The following NELL1 variants were observed in gnomAD, a reference collection of about 807,000 sequenced individuals.
NELL1 encodes the protein protein kinase C-binding protein NELL1.
NELL1 carries 76 observed loss-of-function variants against 107.4 expected under a neutral mutation model. The observed-to-expected ratio is 0.71, with a 90% confidence interval of 0.59 to 0.86. The LOEUF is 0.86. NELL1 is among the 40% of genes least tolerant of loss of function. NELL1 has a pLI of 0.00. For synonymous variants in NELL1, 353 were observed against 341.2 expected (o/e 1.03, Z -0.38); for missense variants, 1,024 against 1,005.5 (o/e 1.02, Z -0.25).
At chr11:20,766,537 A>G (rs771984057) in intron 2 of NELL1, among the ~76,000 whole-genome samples, 2 of 152,178 alleles carry the variant, frequency 1.3e-5, no homozygotes, top group African/African-American at 2.4e-5. Flanking sequence ...TGATTAAAGA[A>G]CTATCTAAAC....
intron 16 of NELL1, among the ~76,000 whole-genome samples, chr11:21,540,665 G>A (rs923045995): frequency 6.6e-5 from 10 of 152,066 alleles, no homozygotes; most frequent in South Asian, 2.1e-4. Context: ...AGTGAAGGGG[G>A]GAGGTACTAT....
chr11:20,720,563 T>C (rs142053988), intron 2 of NELL1, among the ~76,000 whole-genome samples: 70 of 152,230 alleles, frequency 4.6e-4, no homozygotes, highest in Non-Finnish European at 2.1e-4. Flanking sequence ...AAAGTACTGT[T>C]GACTAGGTGG....
intron 15 of NELL1, among the ~76,000 whole-genome samples, chr11:21,426,712 G>A (rs1590924367): frequency 6.6e-6 from 1 of 152,262 alleles, no homozygotes; most frequent in South Asian, 2.1e-4. Context: ...TCAATAGGGT[G>A]TGTATCAGGC....
intron 5 of NELL1, among the ~76,000 whole-genome samples, chr11:20,908,858 CAA>C (rs1215460162): frequency 6.6e-6 from 1 of 152,144 alleles, no homozygotes; most frequent in East Asian, 1.9e-4. Context: ...AACAGGGACT[CAA>C]ACAGACACTT....
At chr11:20,716,255 C>T (rs1208006384) in intron 2 of NELL1, among the ~76,000 whole-genome samples, 2 of 152,216 alleles carry the variant, frequency 1.3e-5, no homozygotes, top group Non-Finnish European at 2.9e-5. Context: ...ACTATTGACC[C>T]CTGGGTATAT....
chr11:21,424,846 T>A (rs1243325076), intron 15 of NELL1, among the ~76,000 whole-genome samples: 1 of 152,114 alleles, frequency 6.6e-6, no homozygotes, highest in African/African-American at 2.4e-5. Flanking sequence ...GCTTCTCTGA[T>A]GAATTCTACC....
At chr11:21,309,926 GAC>G (rs1849712691) in intron 14 of NELL1, among the ~76,000 whole-genome samples, 1 of 152,048 alleles carries the variant, frequency 6.6e-6, no homozygotes, top group South Asian at 2.1e-4. Flanking sequence ...TTTTGGTGGG[GAC>G]ACAGCTAAAC....
chr11:21,549,907 G>T (rs540045875), intron 16 of NELL1, among the ~76,000 whole-genome samples: 12 of 150,970 alleles, frequency 7.9e-5, no homozygotes, highest in African/African-American at 2.7e-4. Flanking sequence ...GTTTTAGAGG[G>T]TGAATAAAAG....
At chr11:20,954,843 T>A (rs542544966) in intron 11 of NELL1, among the ~76,000 whole-genome samples, 1 of 152,352 alleles carries the variant, frequency 6.6e-6, no homozygotes, top group East Asian at 1.9e-4. Context: ...TTTGACATGG[T>A]ACATGCTTAA....
intron 13 of NELL1, among the ~76,000 whole-genome samples, chr11:21,217,925 A>G (rs974538615): frequency 2.0e-5 from 3 of 152,312 alleles, no homozygotes; most frequent in African/African-American, 4.8e-5. Flanking sequence ...TGGATTTATT[A>G]GAGCCTTCCT....
chr11:21,098,306 C>T (rs1337801185), intron 12 of NELL1, among the ~76,000 whole-genome samples: 1 of 152,144 alleles, frequency 6.6e-6, no homozygotes. Context: ...TACTTATCAC[C>T]TTCTTGTGAC....
intron 14 of NELL1, among the ~76,000 whole-genome samples, chr11:21,282,370 G>A (rs543640630): frequency 4.2e-4 from 63 of 151,608 alleles, no homozygotes; most frequent in Admixed American, 7.9e-4. Flanking sequence ...AATAGAAACA[G>A]CGTTTAGGCT....
intron 14 of NELL1, among the ~76,000 whole-genome samples, chr11:21,340,507 A>G (rs1352954244): frequency 6.6e-6 from 1 of 151,918 alleles, no homozygotes; most frequent in Admixed American, 6.6e-5. Flanking sequence ...TCGTAACCCA[A>G]TGTGTATCAG....
At chr11:20,720,246 C>T (rs1855349412) in intron 2 of NELL1, among the ~76,000 whole-genome samples, 1 of 151,186 alleles carries the variant, frequency 6.6e-6, no homozygotes, top group Non-Finnish European at 1.5e-5. Context: ...CTCTGTCACC[C>T]AGGCTGGAGT....
At chr11:20,752,788 G>A (rs1856171669) in intron 2 of NELL1, among the ~76,000 whole-genome samples, 1 of 152,144 alleles carries the variant, frequency 6.6e-6, no homozygotes, top group Non-Finnish European at 1.5e-5. Flanking sequence ...TAACTGGTGA[G>A]ACCACAACAT....
At chr11:21,540,475 C>A (rs185335199) in intron 16 of NELL1, among the ~76,000 whole-genome samples, 1 of 151,994 alleles carries the variant, frequency 6.6e-6, no homozygotes, top group Non-Finnish European at 1.5e-5. Flanking sequence ...AGTCTGTTCT[C>A]GCACTACTAT....
At chr11:21,104,113 G>T (rs934390691) in intron 12 of NELL1, among the ~76,000 whole-genome samples, 1 of 152,162 alleles carries the variant, frequency 6.6e-6, no homozygotes, top group African/African-American at 2.4e-5. Context: ...GGACTGAAAA[G>T]TCTTAAGTCC....
At chr11:21,397,178 A>T (rs367656967) in intron 15 of NELL1, among the ~76,000 whole-genome samples, 1 of 151,628 alleles carries the variant, frequency 6.6e-6, no homozygotes, top group Non-Finnish European at 1.5e-5. Context: ...GAGGAATCAT[A>T]TAGCTGTAAA....
chr11:20,893,161 GA>G (rs1323177196), intron 5 of NELL1, among the ~76,000 whole-genome samples: 3 of 151,912 alleles, frequency 2.0e-5, no homozygotes, highest in African/African-American at 7.3e-5. Flanking sequence ...CACAGGAACA[GA>G]AAACCAAACA....
Sources: allele counts gnomAD v4.1 joint callset (sites outside exome capture counted in the v4.1 genomes callset), GRCh38; gene constraint gnomAD v4.1.1; transcripts MANE v1.5; gene names NCBI Gene and HGNC (gene_info 2026-07-23, HGNC 2026-07-21).